Variants in ARHGAP6 observed in about 807,000 individuals in gnomAD.
ARHGAP6 encodes the protein rho GTPase-activating protein 6.
In ARHGAP6, 16 loss-of-function variants were observed where a neutral mutation model predicts 55.7. The ratio of observed to expected loss-of-function variants is 0.29; its 90% CI spans 0.19 to 0.44. The LOEUF (loss-of-function observed/expected upper bound fraction) is 0.44. Ranked by LOEUF, ARHGAP6 falls within the 20% of genes least tolerant of loss-of-function variation. ARHGAP6 has a pLI of 1.00. For missense variants in ARHGAP6, 698 were observed against 808.9 expected (o/e 0.86, Z 1.66); for synonymous variants, 382 against 360.9 (o/e 1.06, Z -0.66).
At chrX:11,479,827 G>A (rs944174363) in intron 1 of ARHGAP6, among the ~76,000 whole-genome samples, 2 of 111,127 alleles carry the variant, frequency 1.8e-5, no homozygotes, top group Non-Finnish European at 3.8e-5. Context: ...ATTCACTGGG[G>A]GTCGGGGGTA....
intron 1 of ARHGAP6, chrX:11,298,616 A>G: frequency 8.3e-7 from 1 of 1,210,695 alleles, no homozygotes; most frequent in South Asian, 1.8e-5. Context: ...TGCTGTCCCA[A>G]CAGCACCCCC....
chrX:11,639,329 AT>A (rs2052449525), intron 1 of ARHGAP6, among the ~76,000 whole-genome samples: 1 of 110,936 alleles, frequency 9.0e-6, no homozygotes, highest in South Asian at 3.8e-4. Flanking sequence ...TGTCATTTAC[AT>A]TAGGTATATC....
chrX:11,246,153 T>C (rs1407954107), intron 2 of ARHGAP6, among the ~76,000 whole-genome samples: 1 of 110,830 alleles, frequency 9.0e-6, no homozygotes, highest in Non-Finnish European at 1.9e-5. Context: ...TGCAGTGACA[T>C]AGGGTTGAGG....
intron 1 of ARHGAP6, among the ~76,000 whole-genome samples, chrX:11,506,741 T>C (rs1269557879): frequency 9.0e-6 from 1 of 111,648 alleles, no homozygotes; most frequent in African/African-American, 3.3e-5. Context: ...TTATAATCCT[T>C]TGGGTATATA....
chrX:11,443,464 C>T (rs763342345), intron 1 of ARHGAP6, among the ~76,000 whole-genome samples: 6 of 112,105 alleles, frequency 5.4e-5, no homozygotes, highest in African/African-American at 1.6e-4. Context: ...CTTTAGTAGA[C>T]ACTGCCCAAC....
chrX:11,458,995 T>C (rs1421233964), intron 1 of ARHGAP6, among the ~76,000 whole-genome samples: 8 of 110,583 alleles, frequency 7.2e-5, no homozygotes, highest in Non-Finnish European at 1.5e-4. Context: ...TAGGCTTCAA[T>C]CAGAGTTTGA....
In ARHGAP6 at chrX:11,289,713, G is replaced by GC. The variant is rs1423052488; in HGVS notation, c.589-35007dup. 2.7e-5 allele frequency among the ~76,000 whole-genome samples: 3 copies of GC among 111,996 alleles called. No homozygotes were observed. The East Asian group carries it at 8.4e-4, about 31-fold the overall frequency. ...TTAAATGTTACTTCATAGGCCAGGCGCAGTGGCTCATGCCTGTAATCCCAG... is the reference window on the plus strand; with the variant it reads ...TTAAATGTTACTTCATAGGCCAGGCGCCAGTGGCTCATGCCTGTAATCCCAG... On this transcript the variant is annotated intron_variant, in intron 1 of 12. Coordinates refer to ENST00000337414, the MANE Select transcript of ARHGAP6 (RefSeq NM_013427.3).
intron 1 of ARHGAP6, among the ~76,000 whole-genome samples, chrX:11,458,292 T>A (rs1330926675): frequency 1.8e-5 from 2 of 112,403 alleles, no homozygotes; most frequent in African/African-American, 6.5e-5. Context: ...AATGAGCTCA[T>A]CCTTCAAAAA....
intron 1 of ARHGAP6, among the ~76,000 whole-genome samples, chrX:11,291,620 C>A (rs1481978985): frequency 1.8e-5 from 2 of 110,490 alleles, no homozygotes; most frequent in African/African-American, 3.3e-5. Flanking sequence ...AAAATGTGAT[C>A]CACATTTTCC....
chrX:11,390,448 C>A (rs1287591448), intron 1 of ARHGAP6, among the ~76,000 whole-genome samples: 9 of 110,556 alleles, frequency 8.1e-5, no homozygotes, highest in East Asian at 2.8e-4. Context: ...GCAACAAAAG[C>A]CAAAATTGAC....
At chrX:11,152,262 A>T (rs1170773171) in intron 10 of ARHGAP6, among the ~76,000 whole-genome samples, 1 of 112,440 alleles carries the variant, frequency 8.9e-6, no homozygotes, top group African/African-American at 3.2e-5. Context: ...CTGAAATGGT[A>T]ACCAGTCTAT....
intron 1 of ARHGAP6, among the ~76,000 whole-genome samples, chrX:11,267,520 C>T (rs1442738946): frequency 8.9e-6 from 1 of 112,260 alleles, no homozygotes; most frequent in East Asian, 2.8e-4. Context: ...GACAAAACCA[C>T]AGTTCAGAGT....
At chrX:11,302,046 T>G (rs1391137152) in intron 1 of ARHGAP6, among the ~76,000 whole-genome samples, 1 of 112,443 alleles carries the variant, frequency 8.9e-6, no homozygotes, top group Non-Finnish European at 1.9e-5. Context: ...ATACATTAAC[T>G]GGTAATTATA....
At chrX:11,207,174 CGTT>C (rs1314586767) in intron 2 of ARHGAP6, among the ~76,000 whole-genome samples, 2 of 106,733 alleles carry the variant, frequency 1.9e-5, no homozygotes. Context: ...TCACTGTACT[CGTT>C]GTTATTCATT....
chrX:11,611,923 CA>C (rs5901449), intron 1 of ARHGAP6, among the ~76,000 whole-genome samples: 15,271 of 77,844 alleles, frequency 0.2, 942 homozygotes, highest in Middle Eastern at 0.27. Flanking sequence ...CAGAAAAGTA[CA>C]AAAAAAAAAA....
chrX:11,536,553 G>T (rs1274162860), intron 1 of ARHGAP6, among the ~76,000 whole-genome samples: 1 of 111,888 alleles, frequency 8.9e-6, no homozygotes, highest in African/African-American at 3.3e-5. Context: ...CTTGACTCAG[G>T]TGCTACTTCT....
intron 1 of ARHGAP6, among the ~76,000 whole-genome samples, chrX:11,469,214 T>C (rs1245774228): frequency 8.9e-6 from 1 of 112,781 alleles, no homozygotes; most frequent in Non-Finnish European, 1.9e-5. Context: ...TTTAAGAAAC[T>C]ATGTCAGAAT....
chrX:11,266,303 G>A (rs1487122160), intron 1 of ARHGAP6, among the ~76,000 whole-genome samples: 1 of 111,198 alleles, frequency 9.0e-6, no homozygotes, highest in East Asian at 2.8e-4. Context: ...GGAAGCCACT[G>A]GTGAAACCCC....
At chrX:11,531,064 G>T (rs186739774) in intron 1 of ARHGAP6, among the ~76,000 whole-genome samples, 1 of 112,009 alleles carries the variant, frequency 8.9e-6, no homozygotes, top group Admixed American at 9.5e-5. Context: ...ACAAGTGAAT[G>T]GATAGATGAA....
Sources: allele counts gnomAD v4.1 joint callset (sites outside exome capture counted in the v4.1 genomes callset), GRCh38; gene constraint gnomAD v4.1.1; transcripts MANE v1.5; gene names NCBI Gene and HGNC (gene_info 2026-07-23, HGNC 2026-07-21).